Variants in CLSTN2 observed in about 807,000 individuals in gnomAD.
CLSTN2 encodes the protein calsyntenin 2.
In CLSTN2, 48 loss-of-function variants were observed where a neutral mutation model predicts 101.2. The ratio of observed to expected loss-of-function variants is 0.47; its 90% CI spans 0.38 to 0.60. The LOEUF is 0.60. Among genes scored for constraint, CLSTN2 ranks in the 20% least tolerant of loss-of-function variants. The pLI is 0.00. For missense variants in CLSTN2, 1,160 were observed against 1,238.2 expected (o/e 0.94, Z 0.95); for synonymous variants, 481 against 463.6 (o/e 1.04, Z -0.48).
At chr3:140,146,724 C>T (rs1023011223) in intron 1 of CLSTN2, among the ~76,000 whole-genome samples, 3 of 152,184 alleles carry the variant, frequency 2.0e-5, no homozygotes, top group Non-Finnish European at 4.4e-5. Context: ...TGGCCAAGTG[C>T]AGGAGACATT....
At chr3:140,227,864 G>A (rs1372769294) in intron 2 of CLSTN2, among the ~76,000 whole-genome samples, 1 of 152,158 alleles carries the variant, frequency 6.6e-6, no homozygotes, top group Admixed American at 6.5e-5. Context: ...GTCACAGCTG[G>A]AGTGGCTGGG....
chr3:140,014,463 C>A (rs552815736), intron 1 of CLSTN2, among the ~76,000 whole-genome samples: 2 of 152,176 alleles, frequency 1.3e-5, no homozygotes, highest in South Asian at 4.2e-4. Context: ...AAATAATCCA[C>A]CCACCTTGGC....
chr3:140,520,075 T>G (rs946969149), intron 8 of CLSTN2, among the ~76,000 whole-genome samples: 1 of 152,240 alleles, frequency 6.6e-6, no homozygotes, highest in Non-Finnish European at 1.5e-5. Flanking sequence ...AAGCTAACTT[T>G]TGCTGGTTCT....
At chr3:140,043,166 C>T (rs561433663) in intron 1 of CLSTN2, among the ~76,000 whole-genome samples, 1 of 152,256 alleles carries the variant, frequency 6.6e-6, no homozygotes, top group East Asian at 1.9e-4. Flanking sequence ...CCTGTTTCTC[C>T]ACATCCTCTC....
intron 2 of CLSTN2, among the ~76,000 whole-genome samples, chr3:140,397,582 G>A (rs943595489): frequency 2.0e-5 from 3 of 152,134 alleles, no homozygotes; most frequent in African/African-American, 4.8e-5. Context: ...TGTCTTTTGA[G>A]GGCCCATTTT....
chr3:140,538,378 G>C (rs1170520547), intron 9 of CLSTN2, among the ~76,000 whole-genome samples: 3 of 152,194 alleles, frequency 2.0e-5, no homozygotes, highest in Non-Finnish European at 4.4e-5. Context: ...CTAAATATTA[G>C]AGCCTGTAAA....
At chr3:140,346,460 T>A (rs1231941339) in intron 2 of CLSTN2, among the ~76,000 whole-genome samples, 1 of 152,176 alleles carries the variant, frequency 6.6e-6, no homozygotes, top group African/African-American at 2.4e-5. Flanking sequence ...AACTATACCC[T>A]GTTCTGAGAT....
chr3:140,552,762 G>A (rs1282767743), intron 10 of CLSTN2, among the ~76,000 whole-genome samples: 1 of 152,164 alleles, frequency 6.6e-6, no homozygotes, highest in Non-Finnish European at 1.5e-5. Context: ...TGATGCTGAG[G>A]AAAAGTCAGT....
chr3:140,176,036 G>A lies in CLSTN2; in HGVS notation c.195G>A (p.Leu65=). 6.2e-7 allele frequency: 1 copy of A among 1,613,784 alleles called. No individual in the cohort carries two copies. Among genetic ancestry groups the A allele is most frequent in the Non-Finnish European group, 8.5e-7 (1 of 1,179,822 alleles). The change falls in exon 2 of 17, where the codon CTG becomes CTA. Residue 65 remains leucine, a synonymous_variant. Coordinates refer to ENST00000458420, the MANE Select transcript of CLSTN2 (RefSeq NM_022131.3). ...ACACAGTCATTTTGGACCCACCACT[G>A]GTAGCCCTGGATAAAGATGCACCGG... ...NNDTVILDPP[L]VALDKDAPVP... is the part of the protein sequence containing the mutation.
intron 1 of CLSTN2, among the ~76,000 whole-genome samples, chr3:140,034,025 AATTTGC>A (rs529266979): frequency 1.4e-3 from 219 of 152,314 alleles, no homozygotes; most frequent in African/African-American, 5.1e-3. Flanking sequence ...ATGTTGAGTA[AATTTGC>A]ATTTTGTAAA....
intron 1 of CLSTN2, among the ~76,000 whole-genome samples, chr3:140,165,447 A>G (rs1001220243): frequency 2.6e-5 from 4 of 152,190 alleles, no homozygotes; most frequent in African/African-American, 9.7e-5. Flanking sequence ...AAGGGGCCTC[A>G]GGGTTCTTCA....
chr3:140,558,645 T>C lies in CLSTN2; in HGVS notation c.1829T>C (p.Phe610Ser), dbSNP rs745986121. The change falls in exon 12 of 17, where the codon TTT becomes TCT. Residue 610 changes from phenylalanine to serine, a missense_variant. By Grantham distance (155) the Phe-to-Ser change is radical (BLOSUM62 -2). Coordinates refer to ENST00000458420, the MANE Select transcript of CLSTN2 (RefSeq NM_022131.3). The part of the protein sequence containing the change: ...RLKVSSKVQC[F>S]GEDVCISIPE... ...GACCGAGAATGTTTTCCCAGGTGCT[T>C]TGGGGAAGACGTATGCATCAGTATC... The C allele has an allele frequency of 1.9e-6, 3 of 1,611,838 alleles. No homozygotes were observed. Among genetic ancestry groups the C allele is most frequent in the Non-Finnish European group, 2.5e-6 (3 of 1,178,416 alleles).
chr3:140,407,837 G>A (rs1406136702), intron 4 of CLSTN2, among the ~76,000 whole-genome samples: 2 of 152,292 alleles, frequency 1.3e-5, no homozygotes, highest in East Asian at 3.9e-4. Context: ...GATAGAGCTA[G>A]GACTCAACCC....
At chr3:140,386,547 G>A (rs1015716031) in intron 2 of CLSTN2, among the ~76,000 whole-genome samples, 1 of 152,138 alleles carries the variant, frequency 6.6e-6, no homozygotes, top group African/African-American at 2.4e-5. Flanking sequence ...TGAGCTGGTC[G>A]CTCCCACACA....
chr3:140,168,777 A>G (rs542547621), intron 1 of CLSTN2, among the ~76,000 whole-genome samples: 3 of 152,206 alleles, frequency 2.0e-5, no homozygotes, highest in African/African-American at 7.2e-5. Flanking sequence ...TAATTGTCTT[A>G]GAACCTTTGT....
chr3:140,320,004 C>A (rs569059442), intron 2 of CLSTN2, among the ~76,000 whole-genome samples: 2 of 152,224 alleles, frequency 1.3e-5, no homozygotes, highest in Admixed American at 6.5e-5. Context: ...CCTAAACAAA[C>A]GTCCTTGTCA....
At chr3:140,220,552 T>C (rs1196332664) in intron 2 of CLSTN2, among the ~76,000 whole-genome samples, 1 of 152,228 alleles carries the variant, frequency 6.6e-6, no homozygotes, top group South Asian at 2.1e-4. Context: ...ATGTCTGTTA[T>C]TATTACCTGA....
intron 2 of CLSTN2, among the ~76,000 whole-genome samples, chr3:140,285,604 G>A (rs571000217): frequency 6.6e-6 from 1 of 152,142 alleles, no homozygotes; most frequent in Non-Finnish European, 1.5e-5. Context: ...CTCCCAGAAG[G>A]CTTGTTAAAC....
At chr3:140,277,403 C>T (rs1235985532) in intron 2 of CLSTN2, among the ~76,000 whole-genome samples, 1 of 152,182 alleles carries the variant, frequency 6.6e-6, no homozygotes, top group Non-Finnish European at 1.5e-5. Context: ...ATTTATCCTC[C>T]AGCTATCTCC....
Sources: allele counts gnomAD v4.1 joint callset (sites outside exome capture counted in the v4.1 genomes callset), GRCh38; gene constraint gnomAD v4.1.1; transcripts MANE v1.5; gene names NCBI Gene and HGNC (gene_info 2026-07-23, HGNC 2026-07-21).